The following SLC11A2 variants were observed in gnomAD, a reference collection of about 807,000 sequenced individuals.
The protein encoded by SLC11A2 is solute carrier family 11 member 2, also known as natural resistance-associated macrophage protein 2.
Under a neutral mutation model 68.0 loss-of-function variants are expected in SLC11A2, and 38 were observed. That is an observed-to-expected ratio of 0.56 (90% CI 0.43 to 0.73). SLC11A2 has a LOEUF of 0.73. Ranked by LOEUF, SLC11A2 falls within the 30% of genes least tolerant of loss-of-function variation. The probability of loss-of-function intolerance (pLI) is 0.00; values close to 1 mark genes in which losing one functional copy is unlikely to be tolerated. For synonymous variants in SLC11A2, 242 were observed against 250.6 expected (o/e 0.97, Z 0.32); for missense variants, 517 against 690.5 (o/e 0.75, Z 2.82).
In SLC11A2 at chr12:50,992,283, A is replaced by G. The variant is rs1048230; in HGVS notation, c.1254T>C (p.Ile418=). The G allele has an allele frequency of 0.18, 297,033 of 1,613,532 alleles. 28,932 individuals are homozygous for G. Among genetic ancestry groups the G allele is most frequent in the South Asian group, 0.28 (25,169 of 91,066 alleles). The change falls in exon 13 of 16, where the codon ATT becomes ATC. Residue 418 remains isoleucine (I), a synonymous_variant. Transcript: ENST00000262052. The stretch of plus-strand genomic sequence containing the variant: ...CAACAAGCAGAGTGGGGATGATGGC[A>G]ATAGAGCGAGTCAGAACCACTCGGG... ...RFARVVLTRS[I]AIIPTLLVAV... is the part of the protein sequence containing the mutation.
At chr12:50,967,476 T>A in the SLC11A2 span, among the ~76,000 whole-genome samples, 2 of 152,038 alleles carry the variant, frequency 1.3e-5, no homozygotes, top group Admixed American at 1.3e-4. Flanking sequence ...AGGGTCTCAC[T>A]TCATTGCCCA....
intron 14 of SLC11A2, 141 bp from the exon 15 acceptor site, chr12:50,991,089 G>A: frequency 1.2e-6 from 1 of 813,612 alleles, no homozygotes; most frequent in Non-Finnish European, 2.1e-6. Flanking sequence ...TTCTTCATAA[G>A]TCTAAGTTAA....
At chr12:51,027,917 T>A (rs112185060), upstream of SLC11A2, among the ~76,000 whole-genome samples, 17 of 18,306 alleles carry the variant, frequency 9.3e-4, no homozygotes, top group East Asian at 0.083. Flanking sequence ...CAAAAAAAAG[T>A]GGGGGGGGGG....
intron 1 of SLC11A2, among the ~76,000 whole-genome samples, chr12:51,014,433 T>C (rs749584214): frequency 4.6e-5 from 7 of 152,216 alleles, no homozygotes; most frequent in Non-Finnish European, 1.0e-4. Context: ...AAAAGTTTCG[T>C]CTTCTATCTG....
intron 3 of SLC11A2, 158 bp downstream of exon 3, chr12:51,008,318 T>C: frequency 1.6e-6 from 1 of 612,672 alleles, no homozygotes; most frequent in South Asian, 1.7e-5. Flanking sequence ...TGTGTGTGTG[T>C]GTGTGTGTAT....
chr12:51,026,579 C>G (rs60610335), upstream of SLC11A2, among the ~76,000 whole-genome samples: 4,294 of 152,182 alleles, frequency 0.028, 205 homozygotes, highest in African/African-American at 0.099. Context: ...CTGCATGCTG[C>G]CTAGTTGCTG....
the SLC11A2 span, among the ~76,000 whole-genome samples, chr12:50,970,745 A>T: frequency 2.6e-5 from 4 of 152,184 alleles, no homozygotes; most frequent in Admixed American, 6.5e-5. Context: ...TTCTGACTTA[A>T]TTTTTTCAAA....
At chr12:50,975,128 C>T (rs1939832088), downstream of SLC11A2, among the ~76,000 whole-genome samples, 1 of 152,186 alleles carries the variant, frequency 6.6e-6, no homozygotes, top group Non-Finnish European at 1.5e-5. Flanking sequence ...CTCAGCTCTG[C>T]ACCAAGTGGA....
At chr12:51,011,553 T>TG (rs1566026688) in intron 1 of SLC11A2, among the ~76,000 whole-genome samples, 1 of 11,652 alleles carries the variant, frequency 8.6e-5, no homozygotes, top group East Asian at 4.6e-3. Context: ...TTATGAGTTG[T>TG]TTTTTTTTGT....
the SLC11A2 span, among the ~76,000 whole-genome samples, chr12:50,967,799 A>C: frequency 6.6e-6 from 1 of 152,146 alleles, no homozygotes; most frequent in African/African-American, 2.4e-5. Flanking sequence ...AGACAAGCAA[A>C]ACTACCAGTA....
upstream of SLC11A2, among the ~76,000 whole-genome samples, chr12:51,028,788 G>T (rs12423207): frequency 2.6e-5 from 4 of 152,082 alleles, no homozygotes; most frequent in Middle Eastern, 3.2e-3. Flanking sequence ...ATTATCCCTC[G>T]GGATCTAAAG....
chr12:50,993,157 C>G, intron 11 of SLC11A2: 1 of 474,310 alleles, frequency 2.1e-6, no homozygotes. Context: ...AGTCCTTTCT[C>G]TTCTCCAAGC....
At chr12:51,011,562 GT>G (rs900009705) in intron 1 of SLC11A2, among the ~76,000 whole-genome samples, 2 of 138,668 alleles carry the variant, frequency 1.4e-5, no homozygotes, top group Admixed American at 7.5e-5. Context: ...GTTTTTTTTT[GT>G]TTTTTTTTTA....
upstream of SLC11A2, chr12:51,026,487 A>G: frequency 6.5e-6 from 4 of 613,534 alleles, no homozygotes; most frequent in South Asian, 3.1e-5. Flanking sequence ...CCCGCAGACC[A>G]GGGACCTAGG....
At chr12:50,996,418 T>C (rs941233106) in intron 9 of SLC11A2, among the ~76,000 whole-genome samples, 3 of 151,766 alleles carry the variant, frequency 2.0e-5, no homozygotes, top group Non-Finnish European at 2.9e-5. Flanking sequence ...CTACTAAAAA[T>C]AGAAAAATTA....
At chr12:51,026,474 T>G, upstream of SLC11A2, 1 of 690,818 alleles carries the variant, frequency 1.4e-6, no homozygotes, top group South Asian at 1.5e-5. Context: ...CCGGGATGCG[T>G]GGCCCGCAGA....
intron 10 of SLC11A2, among the ~76,000 whole-genome samples, 175 bp downstream of exon 10, chr12:50,995,454 C>T (rs1941613290): frequency 6.6e-6 from 1 of 152,178 alleles, no homozygotes; most frequent in East Asian, 1.9e-4. Flanking sequence ...CAGGCTTGGT[C>T]AGCCCCATAC....
At chr12:50,976,103 A>G (rs1189584796), downstream of SLC11A2, among the ~76,000 whole-genome samples, 2 of 152,332 alleles carry the variant, frequency 1.3e-5, no homozygotes, top group East Asian at 1.9e-4. Flanking sequence ...AACTATTCCA[A>G]TCAATAGAAA....
At chr12:50,958,188 C>T in the SLC11A2 span, among the ~76,000 whole-genome samples, 1 of 151,988 alleles carries the variant, frequency 6.6e-6, no homozygotes, top group Non-Finnish European at 1.5e-5. Flanking sequence ...AATGTAATTC[C>T]TGTCAAAACC....
Sources: gnomAD v4.1 joint callset for allele counts (sites outside exome capture counted in the v4.1 genomes callset) on GRCh38, gnomAD v4.1.1 for gene constraint, MANE v1.5 for transcripts, NCBI Gene and HGNC (gene_info 2026-07-23, HGNC 2026-07-21) for gene names.